Variants in ATXN10 observed in about 807,000 individuals in gnomAD.
ATXN10 encodes ataxin 10, also known as ataxin-10.
ATXN10 carries 28 observed loss-of-function variants against 52.9 expected under a neutral mutation model. The observed-to-expected ratio is 0.53, with a 90% confidence interval of 0.39 to 0.73. The LOEUF is 0.73. Ranked by LOEUF, ATXN10 falls within the 30% of genes least tolerant of loss-of-function variation. The pLI, the probability that ATXN10 is intolerant of heterozygous loss-of-function variation, is 0.00. For synonymous variants in ATXN10, 226 were observed against 221.5 expected, an observed-to-expected ratio of 1.02 and a Z score of -0.18; for missense variants, 565 against 577.0, an observed-to-expected ratio of 0.98 and a Z score of 0.21.
At chr22:45,777,473 G>C (rs1369267688) in intron 9 of ATXN10, among the ~76,000 whole-genome samples, 1 of 152,156 alleles carries the variant, frequency 6.6e-6, no homozygotes, top group Admixed American at 6.5e-5. Flanking sequence ...TAAACAGTTG[G>C]GAGAGAGCTT....
rs767859185 is a variant in ATXN10 at position 45,825,925 on chromosome 22, G to C, written c.1238-17066G>C. ...CTCTACAAAAATTAGCCCCAGGCGTGGTGGTGTGCACCTGTAGTCCCAGCT... is the reference window on the plus strand; with the variant it reads ...CTCTACAAAAATTAGCCCCAGGCGTCGTGGTGTGCACCTGTAGTCCCAGCT... On this transcript the variant is annotated intron_variant, in intron 10 of 11. Transcript: ENST00000252934. The surrounding 1 kb of genome is among the most constrained non-coding windows in gnomAD (Gnocchi z 4.5). 7.9e-5 allele frequency among the ~76,000 whole-genome samples: 12 copies of C among 152,074 alleles called. No individual in the cohort carries two copies. The highest frequency in any genetic ancestry group is 1.5e-4 in the Non-Finnish European group (10 of 68,000).
chr22:45,748,224 TATA>T (rs1031423087), intron 9 of ATXN10, among the ~76,000 whole-genome samples: 1 of 152,062 alleles, frequency 6.6e-6, no homozygotes, highest in Non-Finnish European at 1.5e-5. Context: ...TGTCTCTAAC[TATA>T]ATACTTCCGT....
chr22:45,747,658 C>T (rs1925784158), intron 9 of ATXN10, among the ~76,000 whole-genome samples: 1 of 152,202 alleles, frequency 6.6e-6, no homozygotes, highest in Admixed American at 6.5e-5. Flanking sequence ...GTTCAGTAAA[C>T]TCAGAGTTGC....
intron 7 of ATXN10, among the ~76,000 whole-genome samples, chr22:45,737,903 A>G (rs1925362830): frequency 6.6e-6 from 1 of 151,998 alleles, no homozygotes; most frequent in South Asian, 2.1e-4. Context: ...GGATTTCACC[A>G]TATTGACCAG....
intron 9 of ATXN10, chr22:45,792,737 A>C (rs1927558801): frequency 2.3e-6 from 1 of 443,608 alleles, no homozygotes; most frequent in Admixed American, 2.6e-5. Context: ...TTTTAACTAT[A>C]AACAAGCCAA....
rs1366963074 is a variant in ATXN10, at chr22:45,790,737, T to G, written c.1174-16222T>G. Among the ~76,000 whole-genome samples, 1 of 152,244 alleles carries G rather than the reference T, an allele frequency of 6.6e-6. No individual in the cohort carries two copies. The highest frequency in any genetic ancestry group is 2.4e-5 in the African/African-American group (1 of 41,462). On this transcript the variant is annotated intron_variant, in intron 9 of 11. Coordinates refer to ENST00000252934, the MANE Select transcript of ATXN10 (RefSeq NM_013236.4). This position sits in a 1 kb window ranked among gnomAD's most constrained non-coding sequence, Gnocchi z 4.7. Reference sequence around the variant, plus strand: ...CTGTTCAAATAGCCACTGAAACATCTACTCTTTTCTACACTTCACTGTAAG... The same window carrying G: ...CTGTTCAAATAGCCACTGAAACATCGACTCTTTTCTACACTTCACTGTAAG...
chr22:45,835,019 C>T lies in ATXN10; in HGVS notation c.1238-7972C>T, dbSNP rs750910614. Among the ~76,000 whole-genome samples the T allele has an allele frequency of 6.6e-6, 1 of 152,212 alleles. No homozygotes were observed. The highest frequency in any genetic ancestry group is 1.5e-5 in the Non-Finnish European group (1 of 68,038). On this transcript the variant is annotated intron_variant, in intron 10 of 11. Coordinates refer to ENST00000252934, the MANE Select transcript of ATXN10 (RefSeq NM_013236.4). The surrounding 1 kb of genome is among the most constrained non-coding windows in gnomAD (Gnocchi z 5.0). ...GCCAGACTGTGACTGCTTCGTACCACGCTTTGCTTTGAAGTGGTCAGTAAA... is the reference window on the plus strand; with the variant it reads ...GCCAGACTGTGACTGCTTCGTACCATGCTTTGCTTTGAAGTGGTCAGTAAA...
At chr22:45,778,246 C>T (rs1474939858) in intron 9 of ATXN10, among the ~76,000 whole-genome samples, 2 of 152,148 alleles carry the variant, frequency 1.3e-5, no homozygotes, top group Non-Finnish European at 2.9e-5. Context: ...CTTAATTTTT[C>T]CCCTATTAAT....
In ATXN10 at chr22:45,677,873, G is replaced by A. The variant is rs1007699065; in HGVS notation, c.116+5694G>A. 6.6e-6 allele frequency: 1 copy of A among 152,216 alleles called. No individual in the cohort carries two copies. The highest frequency in any genetic ancestry group is 1.5e-5 in the Non-Finnish European group (1 of 68,040). 9.4% of individuals were successfully genotyped at this position (152,216 alleles called of 1,614,324 possible). A position where few individuals can be genotyped will look rare whatever the true frequency, so the allele number is the denominator to read the frequency against. On this transcript the variant is annotated intron_variant, in intron 1 of 11. Transcript: ENST00000252934. This position sits in a 1 kb window ranked among gnomAD's most constrained non-coding sequence, Gnocchi z 4.1. Reference sequence around the variant, plus strand: ...TGTGTGTTGCTAGTGGACATGTAAAGTGGTGCTGCTACTATGGAAAATAAT... The same window carrying A: ...TGTGTGTTGCTAGTGGACATGTAAAATGGTGCTGCTACTATGGAAAATAAT...
At chr22:45,793,537 C>T (rs1381757519) in intron 9 of ATXN10, 2 of 1,245,828 alleles carry the variant, frequency 1.6e-6, no homozygotes, top group East Asian at 6.1e-5. Flanking sequence ...ACAAATAATT[C>T]TGTCAAGCTC....
rs993645360 is a variant in ATXN10 at position 45,820,932 on chromosome 22, A to C, written c.1237+13910A>C. Among the ~76,000 whole-genome samples the C allele has an allele frequency of 6.6e-6, 1 of 152,222 alleles. No homozygotes were observed. Among genetic ancestry groups the C allele is most frequent in the South Asian group, 2.1e-4 (1 of 4,828 alleles). ...ACGAATAGAAATGGTTCGAGTTTCT[A>C]TGAGAAGGACCCAGCCTTGCCTTTA... On this transcript the variant is annotated intron_variant, in intron 10 of 11. Coordinates refer to ENST00000252934, the MANE Select transcript of ATXN10 (RefSeq NM_013236.4). This position sits in a 1 kb window ranked among gnomAD's most constrained non-coding sequence, Gnocchi z 4.9.
chr22:45,845,266 T>C lies in ATXN10; in HGVS notation c.*1595T>C, dbSNP rs1188353422. 4 of 152,174 alleles carry C rather than the reference T, an allele frequency of 2.6e-5. No individual in the cohort carries two copies. Among genetic ancestry groups the C allele is most frequent in the Non-Finnish European group, 4.4e-5 (3 of 68,024 alleles). 9.4% of individuals were successfully genotyped at this position (152,174 alleles called of 1,614,324 possible). A position where few individuals can be genotyped will look rare whatever the true frequency, so the allele number is the denominator to read the frequency against. ...AAACTTGTCGGTATGAGCTATATAATAACAAACACAAATAAATAAAAGGGA... is the reference window on the plus strand; with the variant it reads ...AAACTTGTCGGTATGAGCTATATAACAACAAACACAAATAAATAAAAGGGA... On this transcript the variant is annotated 3_prime_UTR_variant, in exon 12 of 12. Coordinates refer to ENST00000252934, the MANE Select transcript of ATXN10 (RefSeq NM_013236.4). This position sits in a 1 kb window ranked among gnomAD's most constrained non-coding sequence, Gnocchi z 4.7.
chr22:45,746,143 G>A (rs748447491), intron 9 of ATXN10, among the ~76,000 whole-genome samples: 2 of 151,902 alleles, frequency 1.3e-5, no homozygotes, highest in African/African-American at 2.4e-5. Flanking sequence ...AGGCTTCGTA[G>A]ATCTGAATGC....
chr22:45,803,882 C>T (rs1928012515), intron 9 of ATXN10, among the ~76,000 whole-genome samples: 1 of 152,042 alleles, frequency 6.6e-6, no homozygotes, highest in Non-Finnish European at 1.5e-5. Flanking sequence ...TCTCTCTGTG[C>T]TTCTCAAACA....
intron 9 of ATXN10, among the ~76,000 whole-genome samples, chr22:45,794,295 C>T (rs1461459557): frequency 2.6e-5 from 4 of 150,996 alleles, no homozygotes; most frequent in African/African-American, 9.8e-5. Context: ...TGTATCCAAG[C>T]CTTTGATTTT....
intron 5 of ATXN10, among the ~76,000 whole-genome samples, chr22:45,703,655 A>G (rs1025039364): frequency 6.6e-6 from 1 of 152,206 alleles, no homozygotes; most frequent in Non-Finnish European, 1.5e-5. Context: ...TTATATAGAC[A>G]GAGAAAAGAA....
chr22:45,726,090 C>T (rs908888338), intron 6 of ATXN10, among the ~76,000 whole-genome samples: 1 of 152,140 alleles, frequency 6.6e-6, no homozygotes, highest in Non-Finnish European at 1.5e-5. Context: ...TGATGTTCAT[C>T]AGGGATATTG....
Position 45,762,387 on chromosome 22 carries a change from G to A in ATXN10, c.1173+21849G>A, listed in dbSNP as rs1271084861. On this transcript the variant is annotated intron_variant, in intron 9 of 11. Coordinates refer to ENST00000252934, the MANE Select transcript of ATXN10 (RefSeq NM_013236.4). This position sits in a 1 kb window ranked among gnomAD's most constrained non-coding sequence, Gnocchi z 4.3. ...TTATTTATCTTTGTTATGATAGATA[G>A]CAGATAAAGCAGTTGATTTCAGTCA... Among the ~76,000 whole-genome samples, 2 of 152,172 alleles carry A rather than the reference G, an allele frequency of 1.3e-5. No individual in the cohort carries two copies. Among genetic ancestry groups the A allele is most frequent in the African/African-American group, 4.8e-5 (2 of 41,438 alleles).
chr22:45,723,831 C>G (rs1336566295), intron 6 of ATXN10, among the ~76,000 whole-genome samples: 1 of 152,058 alleles, frequency 6.6e-6, no homozygotes, highest in Non-Finnish European at 1.5e-5. Flanking sequence ...TGGCGCTTGC[C>G]TGTTATCCCA....
Sources: allele counts gnomAD v4.1 joint callset (sites outside exome capture counted in the v4.1 genomes callset), GRCh38; gene constraint gnomAD v4.1.1; non-coding constraint Gnocchi (gnomAD v3.1); transcripts MANE v1.5; gene names NCBI Gene and HGNC (gene_info 2026-07-23, HGNC 2026-07-21).